The following SMARCA1 variants were observed in gnomAD, a reference collection of about 807,000 sequenced individuals.
SMARCA1 encodes the protein SWI/SNF-related matrix-associated actin-dependent regulator of chromatin subfamily A member 1.
SMARCA1 carries 17 observed loss-of-function variants against 93.6 expected under a neutral mutation model. The ratio of observed to expected loss-of-function variants is 0.18; its 90% CI spans 0.12 to 0.27. The LOEUF (loss-of-function observed/expected upper bound fraction) is 0.27, where lower values mean the gene tolerates loss of function less well. Ranked by LOEUF, SMARCA1 falls within the 10% of genes least tolerant of loss-of-function variation. The pLI, the probability that SMARCA1 is intolerant of heterozygous loss-of-function variation, is 1.00. For synonymous variants in SMARCA1, 271 were observed against 271.4 expected (o/e 1.00, Z 0.01); for missense variants, 630 against 819.0 (o/e 0.77, Z 2.82).
At position 129,518,647 on chromosome X, in the gene SMARCA1, TA is replaced by T. The variant is rs905923969; in HGVS notation, c.175-201del. ...CCAGTTCTGTACACCTGAGGTCCAA[TA>T]AAAAAAATCTGAAAAATTGTGAATG... On this transcript the variant is annotated intron_variant, in intron 1 of 24. Transcript: ENST00000371121. 1.1e-4 allele frequency: 29 copies of T among 259,618 alleles called. No homozygotes were observed. In the East Asian group the frequency reaches 1.5e-3, roughly 13 times the overall value. 21.4% of individuals were successfully genotyped at this position (259,618 alleles called of 1,213,427 possible).
At chrX:129,518,314 T>C (rs1168249709) in intron 2 of SMARCA1, 47 bp downstream of exon 2, 1 of 740,842 alleles carries the variant, frequency 1.3e-6, no homozygotes, top group African/African-American at 2.2e-5. Context: ...ATCTCAACTA[T>C]AAAAATTAAT....
At chrX:129,508,951 GC>G (rs1315824644) in intron 6 of SMARCA1, among the ~76,000 whole-genome samples, 1 of 111,287 alleles carries the variant, frequency 9.0e-6, no homozygotes, top group Non-Finnish European at 1.9e-5. Context: ...ACTTTGGGAG[GC>G]CAAGGCAGAT....
At chrX:129,455,169 A>G (rs143653956) in intron 23 of SMARCA1, among the ~76,000 whole-genome samples, 1,925 of 111,771 alleles carry the variant, frequency 0.017, 38 homozygotes, top group African/African-American at 0.061. Context: ...TGTTTATTGC[A>G]GCACTTTTCA....
intron 17 of SMARCA1, among the ~76,000 whole-genome samples, chrX:129,482,771 G>T (rs781052893): frequency 1.8e-5 from 2 of 111,776 alleles, no homozygotes; most frequent in South Asian, 7.5e-4. Flanking sequence ...CAATGTTCTG[G>T]AGTCTGAGAA....
At position 129,465,969 on chromosome X, in the gene SMARCA1, AAC is replaced by A. The variant is rs1932898210; in HGVS notation, c.2699-9_2699-8del. On this transcript the variant is annotated splice_region_variant and splice_polypyrimidine_tract_variant and intron_variant, in intron 21 of 24. Transcript: ENST00000371121. The stretch of plus-strand genomic sequence containing the variant: ...CAACGTTCCCAAAATACAGCTGAAA[AAC>A]AGAGTTATTTCTTTAAAATCCTATC... 3.2e-6 allele frequency: 3 copies of A among 927,830 alleles called. No homozygotes were observed. The highest frequency in any genetic ancestry group is 2.0e-5 in the African/African-American group (1 of 51,212). The allele number at this position is 927,830 out of a possible 1,213,427, so 76.5% of individuals were successfully genotyped here. A position where few individuals can be genotyped will look rare whatever the true frequency, so the allele number is the denominator to read the frequency against.
chrX:129,453,058 T>C (rs1378255319), intron 23 of SMARCA1, among the ~76,000 whole-genome samples: 5 of 111,630 alleles, frequency 4.5e-5, no homozygotes, highest in Admixed American at 2.9e-4. Flanking sequence ...TATTTATAAA[T>C]GTTGTGTGTA....
rs1384392506 is a variant in SMARCA1 at position 129,515,793 on chromosome X, G to GA, written c.530-7dup. The GA allele has an allele frequency of 5.9e-6, 7 of 1,176,900 alleles. No individual in the cohort carries two copies. Among genetic ancestry groups the GA allele is most frequent in the Admixed American group, 2.2e-5 (1 of 45,737 alleles). ...CAGTGGCCCCCCTTTCACATCTGGT[G>GA]AAAAAATGCAAGGACATTTCATACT... On this transcript the variant is annotated splice_region_variant and splice_polypyrimidine_tract_variant and intron_variant, in intron 4 of 24. Coordinates refer to ENST00000371121, the MANE Select transcript of SMARCA1 (RefSeq NM_001282874.2).
intron 9 of SMARCA1, among the ~76,000 whole-genome samples, chrX:129,503,530 T>C (rs1232013557): frequency 9.0e-6 from 1 of 111,470 alleles, no homozygotes; most frequent in Admixed American, 9.6e-5. Context: ...CAGAAAAAAG[T>C]CACAACAGAA....
chrX:129,471,312 A>G lies in SMARCA1; in HGVS notation c.2457T>C (p.Pro819=), dbSNP rs754723944. 15 of 1,196,861 alleles carry G rather than the reference A, an allele frequency of 1.3e-5. No homozygotes were observed. The South Asian group carries it at 1.8e-4, about 15-fold the overall frequency. ...GAGCCAGAGCTGGATTTGGGATATC[A>G]GGATTCCTTGGAACCTATAAATCAA... ...KTIGYKVPRN[P]DIPNPALAQR... The change falls in exon 20 of 25, where the codon CCT becomes CCC. Residue 819 remains proline, a synonymous_variant. Transcript: ENST00000371121.
chrX:129,470,578 A>G (rs998943151), intron 20 of SMARCA1, among the ~76,000 whole-genome samples: 4 of 112,237 alleles, frequency 3.6e-5, no homozygotes, highest in Non-Finnish European at 7.5e-5. Context: ...GAATATGTTA[A>G]TAACAGGCTT....
At position 129,455,025 on chromosome X, in the gene SMARCA1, A is replaced by G. The variant is rs1234420221; in HGVS notation, c.3031-6582T>C. Among the ~76,000 whole-genome samples, 8 of 111,841 alleles carry G rather than the reference A, an allele frequency of 7.2e-5. No individual in the cohort carries two copies. In the Admixed American group the frequency reaches 7.6e-4, roughly 11 times the overall value. ...GTTGGTGGGAGTGTAAATTAGTTCAACCATTGTGGAAGACAGTGTGGCAAT... is the reference window on the plus strand; with the variant it reads ...GTTGGTGGGAGTGTAAATTAGTTCAGCCATTGTGGAAGACAGTGTGGCAAT... On this transcript the variant is annotated intron_variant, in intron 23 of 24. Transcript: ENST00000371121.
intron 9 of SMARCA1, among the ~76,000 whole-genome samples, chrX:129,504,419 C>G (rs755988947): frequency 6.4e-5 from 7 of 108,590 alleles, no homozygotes; most frequent in Non-Finnish European, 9.5e-5. Flanking sequence ...AGGAGAATAC[C>G]GATACCATCC....
At chrX:129,513,274 C>A (rs1338459583) in intron 5 of SMARCA1, among the ~76,000 whole-genome samples, 14 of 110,077 alleles carry the variant, frequency 1.3e-4, no homozygotes, top group Non-Finnish European at 2.6e-4. Flanking sequence ...CCTGTAATCC[C>A]AGCACTTTGG....
At chrX:129,475,262 T>C (rs920695112) in intron 19 of SMARCA1, among the ~76,000 whole-genome samples, 3 of 110,449 alleles carry the variant, frequency 2.7e-5, no homozygotes, top group African/African-American at 9.9e-5. Context: ...CTCACACTTG[T>C]AATCCCAGCA....
intron 17 of SMARCA1, among the ~76,000 whole-genome samples, chrX:129,483,799 T>C (rs1442656911): frequency 8.9e-6 from 1 of 112,149 alleles, no homozygotes; most frequent in Non-Finnish European, 1.9e-5. Context: ...ATGATTTAAT[T>C]TACCAGGTAT....
intron 23 of SMARCA1, among the ~76,000 whole-genome samples, chrX:129,463,907 A>G (rs751032615): frequency 1.8e-5 from 2 of 111,894 alleles, no homozygotes; most frequent in South Asian, 7.6e-4. Flanking sequence ...ACTGCACTCC[A>G]GCCTGGGTGA....
At chrX:129,466,665 A>C (rs1048737779) in intron 21 of SMARCA1, among the ~76,000 whole-genome samples, 6 of 110,743 alleles carry the variant, frequency 5.4e-5, no homozygotes, top group African/African-American at 2.0e-4. Flanking sequence ...AAAAACAAAC[A>C]AATAAACAAA....
Position 129,511,788 on chromosome X carries a change from CTT to C in SMARCA1, c.810+14_810+15del. 4 of 1,162,402 alleles carry C rather than the reference CTT, an allele frequency of 3.4e-6. No individual in the cohort carries two copies. Among genetic ancestry groups the C allele is most frequent in the Admixed American group, 2.4e-5 (1 of 41,324 alleles). On this transcript the variant is annotated intron_variant, in intron 6 of 24. Coordinates refer to ENST00000371121, the MANE Select transcript of SMARCA1 (RefSeq NM_001282874.2). ...TATTATTCTTAACTGCCTTTTTACACTTGTTTCTCACTTACTCTGGCATCCTT... is the reference window on the plus strand; with the variant it reads ...TATTATTCTTAACTGCCTTTTTACACGTTTCTCACTTACTCTGGCATCCTT...
chrX:129,500,210 C>G (rs934509817), intron 9 of SMARCA1, among the ~76,000 whole-genome samples: 11 of 111,854 alleles, frequency 9.8e-5, no homozygotes, highest in Admixed American at 1.9e-4. Context: ...CCCTGTCACC[C>G]AGGCTGGAGT....
Sources: allele counts gnomAD v4.1 joint callset (sites outside exome capture counted in the v4.1 genomes callset), GRCh38; gene constraint gnomAD v4.1.1; transcripts MANE v1.5; gene names NCBI Gene and HGNC (gene_info 2026-07-23, HGNC 2026-07-21).